SLC8A1: variants seen among roughly 807,000 people sequenced by gnomAD.
SLC8A1 encodes solute carrier family 8 member A1.
SLC8A1 carries 18 observed loss-of-function variants against 68.3 expected under a neutral mutation model. The observed-to-expected ratio is 0.26, with a 90% CI of 0.18 to 0.39. The LOEUF is 0.39. SLC8A1 is among the 10% of genes least tolerant of loss of function. SLC8A1 has a pLI of 1.00. For missense variants in SLC8A1, 985 were observed against 1,156.7 expected (o/e 0.85, Z 2.15); for synonymous variants, 475 against 415.5 (o/e 1.14, Z -1.74).
intron 2 of SLC8A1, among the ~76,000 whole-genome samples, chr2:40,344,362 G>A (rs1156761826): frequency 6.6e-6 from 1 of 152,140 alleles, no homozygotes; most frequent in Admixed American, 6.6e-5. Context: ...GAAGGAACAT[G>A]CTTTGGAGGG....
chr2:40,252,873 AAT>A (rs1384729041), intron 2 of SLC8A1, among the ~76,000 whole-genome samples: 2 of 115,546 alleles, frequency 1.7e-5, no homozygotes, highest in Non-Finnish European at 3.4e-5. Flanking sequence ...TGATTCCAAT[AAT>A]ATATATTTTG....
At chr2:40,281,634 C>G (rs545215070) in intron 2 of SLC8A1, among the ~76,000 whole-genome samples, 1 of 152,204 alleles carries the variant, frequency 6.6e-6, no homozygotes, top group Non-Finnish European at 1.5e-5. Context: ...TGATTTCAAG[C>G]CCTGCTCCCT....
intron 2 of SLC8A1, among the ~76,000 whole-genome samples, chr2:40,358,543 T>G (rs1041347381): frequency 2.0e-5 from 3 of 152,202 alleles, no homozygotes; most frequent in African/African-American, 7.2e-5. Context: ...CCTAATCCAG[T>G]CTAATCCTAT....
intron 2 of SLC8A1, among the ~76,000 whole-genome samples, chr2:40,283,930 G>T (rs2067878852): frequency 6.6e-6 from 1 of 152,062 alleles, no homozygotes; most frequent in South Asian, 2.1e-4. Context: ...TTATTTTTCT[G>T]AAAAGCAAAG....
At chr2:40,154,479 C>CTTTTTTTTTTTTT (rs144812656) in intron 6 of SLC8A1, among the ~76,000 whole-genome samples, 9 of 30,042 alleles carry the variant, frequency 3.0e-4, no homozygotes, top group South Asian at 2.4e-3. Context: ...AATTTTTTTT[C>CTTTTTTTTTTTTT]TTTTCTTTTT....
At chr2:40,459,266 T>C (rs1278109442) in intron 1 of SLC8A1, among the ~76,000 whole-genome samples, 1 of 152,200 alleles carries the variant, frequency 6.6e-6, no homozygotes, top group African/African-American at 2.4e-5. Context: ...AAAGTACTAG[T>C]TTAGGTGGTC....
chr2:40,383,292 G>C (rs1682501906), intron 2 of SLC8A1, among the ~76,000 whole-genome samples: 1 of 151,930 alleles, frequency 6.6e-6, no homozygotes, highest in African/African-American at 2.4e-5. Flanking sequence ...TTACATACCG[G>C]AACAAATTTG....
chr2:40,502,958 AT>A (rs1706139240), intron 1 of SLC8A1, among the ~76,000 whole-genome samples: 1 of 151,970 alleles, frequency 6.6e-6, no homozygotes, highest in Admixed American at 6.6e-5. Context: ...CCTAATAGAG[AT>A]TAGGCTAGTG....
intron 2 of SLC8A1, among the ~76,000 whole-genome samples, chr2:40,354,127 A>T (rs1671971883): frequency 6.6e-6 from 1 of 152,196 alleles, no homozygotes; most frequent in Admixed American, 6.5e-5. Context: ...ATCTCCCTCC[A>T]TATGCGCTAT....
intron 2 of SLC8A1, among the ~76,000 whole-genome samples, chr2:40,348,450 A>G (rs996788863): frequency 2.0e-5 from 3 of 152,230 alleles, no homozygotes; most frequent in African/African-American, 7.2e-5. Context: ...CCAAACCCAT[A>G]CATCTAATAA....
intron 7 of SLC8A1, among the ~76,000 whole-genome samples, chr2:40,137,088 C>G (rs1014444631): frequency 9.2e-5 from 14 of 152,130 alleles, no homozygotes; most frequent in Non-Finnish European, 2.9e-5. Flanking sequence ...TTTTAAGTGG[C>G]AGAACAAGTG....
chr2:40,219,815 C>CCAAATAAATAAGATTTTTTTCT lies in SLC8A1; in HGVS notation c.1809-41961_1809-41960insAGAAAAAAATCTTATTTATTTG, dbSNP rs1263252619. Among the ~76,000 whole-genome samples the CCAAATAAATAAGATTTTTTTCT allele has an allele frequency of 2.6e-3, 66 of 25,484 alleles. 4 individuals are homozygous for CCAAATAAATAAGATTTTTTTCT. The highest frequency in any genetic ancestry group is 3.8e-3 in the Non-Finnish European group (29 of 7,596). The allele number at this position is 25,484 out of a possible 152,430, so 16.7% of individuals were successfully genotyped here. ...TGATGAGAGAGATGTGCTTTGTTTGCTATGCATGAGATTGCTTGAAAAATG... is the reference window on the plus strand; with the variant it reads ...TGATGAGAGAGATGTGCTTTGTTTGCCAAATAAATAAGATTTTTTTCTTATGCATGAGATTGCTTGAAAAATG... On this transcript the variant is annotated intron_variant, in intron 2 of 7. Transcript: ENST00000406785.
At chr2:40,283,658 C>G (rs772030370) in intron 2 of SLC8A1, among the ~76,000 whole-genome samples, 3 of 152,146 alleles carry the variant, frequency 2.0e-5, no homozygotes, top group South Asian at 2.1e-4. Flanking sequence ...GTGCTTGAAA[C>G]GCATCAAAGT....
chr2:40,164,757 A>G (rs977404152), intron 5 of SLC8A1, 97 bp downstream of exon 8: 3 of 1,465,760 alleles, frequency 2.0e-6, no homozygotes, highest in Non-Finnish European at 2.8e-6. Flanking sequence ...TACATCTACT[A>G]CTCTTTCCAG....
At chr2:40,118,606 A>C (rs1282667132) in intron 7 of SLC8A1, 1 of 73,748 alleles carries the variant, frequency 1.4e-5, no homozygotes, top group Non-Finnish European at 3.0e-5. Flanking sequence ...AAAAAAAGGA[A>C]GTTTTTTTTT....
chr2:40,415,896 ACACACACACACACAC>A (rs1371559356), intron 2 of SLC8A1, among the ~76,000 whole-genome samples: 1 of 149,410 alleles, frequency 6.7e-6, no homozygotes, highest in African/African-American at 2.5e-5. Context: ...ACACACACAC[ACACACACACACACAC>A]ATTAGCTGGG....
At chr2:40,512,185 G>A (rs374119151) in intron 1 of SLC8A1, among the ~76,000 whole-genome samples, 1 of 152,104 alleles carries the variant, frequency 6.6e-6, no homozygotes, top group Admixed American at 6.6e-5. Flanking sequence ...AGGCAGAGCT[G>A]TTAAATACCT....
At chr2:40,438,515 T>G (rs1306064412) in intron 1 of SLC8A1, among the ~76,000 whole-genome samples, 3 of 152,148 alleles carry the variant, frequency 2.0e-5, no homozygotes, top group Non-Finnish European at 4.4e-5. Context: ...CAAATATGAT[T>G]GACACGTGGT....
intron 2 of SLC8A1, among the ~76,000 whole-genome samples, chr2:40,336,180 A>C (rs1165218720): frequency 6.6e-6 from 1 of 152,214 alleles, no homozygotes; most frequent in Non-Finnish European, 1.5e-5. Context: ...ATTCCACTTT[A>C]TGTGGTACCT....
Sources: allele counts gnomAD v4.1 joint callset (sites outside exome capture counted in the v4.1 genomes callset), GRCh38; gene constraint gnomAD v4.1.1; transcripts MANE v1.5; gene names NCBI Gene and HGNC (gene_info 2026-07-23, HGNC 2026-07-21).